The following FGF14 variants were observed in gnomAD, a reference collection of about 807,000 sequenced individuals.
FGF14 encodes fibroblast growth factor homologous factor 4.
Under a neutral mutation model 25.5 loss-of-function variants are expected in FGF14, and 5 were observed. That is an observed-to-expected ratio of 0.20 (90% confidence interval 0.10 to 0.41). FGF14 has a LOEUF of 0.41. Among genes scored for constraint, FGF14 ranks in the 10% least tolerant of loss-of-function variants. FGF14 has a pLI of 1.00. For synonymous variants in FGF14, 138 were observed against 118.3 expected, an observed-to-expected ratio of 1.17 and a Z score of -1.08; for missense variants, 222 against 320.1, an observed-to-expected ratio of 0.69 and a Z score of 2.34.
intron 3 of FGF14, among the ~76,000 whole-genome samples, chr13:101,830,435 T>A (rs146687493): frequency 2.0e-3 from 298 of 152,146 alleles, no homozygotes; most frequent in African/African-American, 6.8e-3. Context: ...CTGCAGCAAA[T>A]GTTTCCAGTA....
At chr13:102,294,310 T>G (rs2054583171) in intron 1 of FGF14, among the ~76,000 whole-genome samples, 1 of 151,930 alleles carries the variant, frequency 6.6e-6, no homozygotes, top group African/African-American at 2.4e-5. Context: ...TTAATCTTCA[T>G]CTTCCACTGA....
In FGF14 at chr13:101,898,437, T is replaced by TA. The variant is rs576246372; in HGVS notation, c.193+18015dup. Among the ~76,000 whole-genome samples, 34 of 151,784 alleles carry TA rather than the reference T, an allele frequency of 2.2e-4. No individual in the cohort carries two copies. The East Asian group carries it at 6.4e-3, about 29-fold the overall frequency. On this transcript the variant is annotated intron_variant, in intron 1 of 4. Coordinates refer to ENST00000376143, the MANE Select transcript of FGF14 (RefSeq NM_004115.4). ...CTCCGTCACAGATTTTATTAAAACT[T>TA]AGAGTGGAATATGGATTTACTCAGT...
chr13:102,162,227 C>T (rs371700215), intron 1 of FGF14, among the ~76,000 whole-genome samples: 3 of 152,082 alleles, frequency 2.0e-5, no homozygotes, highest in Non-Finnish European at 2.9e-5. Flanking sequence ...CAGAATCTCT[C>T]GGTCAAAGGC....
At chr13:101,753,867 T>C (rs1364215228) in intron 3 of FGF14, among the ~76,000 whole-genome samples, 2 of 152,112 alleles carry the variant, frequency 1.3e-5, no homozygotes, top group African/African-American at 2.4e-5. Context: ...GTACTCGTTA[T>C]TGAGTAAAAG....
chr13:101,783,367 G>A (rs2039624104), intron 3 of FGF14, among the ~76,000 whole-genome samples: 2 of 151,978 alleles, frequency 1.3e-5, no homozygotes, highest in African/African-American at 4.8e-5. Context: ...CTACTCAGGA[G>A]GTTGAGGCAG....
At chr13:101,772,033 G>T (rs972156503) in intron 3 of FGF14, among the ~76,000 whole-genome samples, 1 of 151,930 alleles carries the variant, frequency 6.6e-6, no homozygotes, top group Non-Finnish European at 1.5e-5. Context: ...ACATTCACAG[G>T]AAAGAAAAGG....
chr13:101,763,139 A>C (rs2038138493), intron 3 of FGF14, among the ~76,000 whole-genome samples: 1 of 152,160 alleles, frequency 6.6e-6, no homozygotes, highest in Non-Finnish European at 1.5e-5. Context: ...GCAGGGTTGG[A>C]ATTAGAGAGA....
chr13:102,296,946 T>C (rs1309785208), intron 1 of FGF14, among the ~76,000 whole-genome samples: 1 of 152,108 alleles, frequency 6.6e-6, no homozygotes, highest in Admixed American at 6.6e-5. Context: ...ATCACACAAA[T>C]ATAGCAGAAG....
chr13:102,339,671 A>G (rs553897253), intron 1 of FGF14, among the ~76,000 whole-genome samples: 1 of 152,310 alleles, frequency 6.6e-6, no homozygotes, highest in East Asian at 1.9e-4. Context: ...ATAAGTCTGC[A>G]CCTAGCAAAA....
intron 1 of FGF14, among the ~76,000 whole-genome samples, chr13:102,130,505 C>A (rs144464726): frequency 0.012 from 1,788 of 152,252 alleles, 25 homozygotes; most frequent in Middle Eastern, 0.021. Context: ...ATAATGCAGG[C>A]TCATTTCCCT....
chr13:102,166,506 A>G (rs1243712616), intron 1 of FGF14, among the ~76,000 whole-genome samples: 1 of 152,024 alleles, frequency 6.6e-6, no homozygotes, highest in Non-Finnish European at 1.5e-5. Context: ...CAGCTCTCAT[A>G]CCGTGCACAA....
At chr13:101,868,342 T>C (rs1198418116) in intron 3 of FGF14, 4 of 205,428 alleles carry the variant, frequency 1.9e-5, no homozygotes, top group Non-Finnish European at 4.0e-5. Flanking sequence ...CAATTTGAAT[T>C]CTTACTTTAG....
chr13:101,821,243 C>A (rs374472361), intron 3 of FGF14, among the ~76,000 whole-genome samples: 1 of 152,134 alleles, frequency 6.6e-6, no homozygotes, highest in South Asian at 2.1e-4. Flanking sequence ...CCACTGCGCC[C>A]GGCCCAAATT....
chr13:101,877,840 A>C (rs957248065), intron 1 of FGF14, among the ~76,000 whole-genome samples: 5 of 152,112 alleles, frequency 3.3e-5, no homozygotes, highest in African/African-American at 9.7e-5. Context: ...TGCCCCATTA[A>C]AACCTTACCA....
intron 1 of FGF14, among the ~76,000 whole-genome samples, chr13:101,888,022 T>A (rs2138862762): frequency 6.6e-6 from 1 of 152,250 alleles, no homozygotes; most frequent in South Asian, 2.1e-4. Context: ...ATGAAGTACC[T>A]TTTTCAGGTA....
intron 1 of FGF14, among the ~76,000 whole-genome samples, chr13:102,269,526 CTTTAT>C (rs2053147520): frequency 6.6e-6 from 1 of 152,092 alleles, no homozygotes; most frequent in African/African-American, 2.4e-5. Flanking sequence ...GCCTGGCAAT[CTTTAT>C]TTTATTTTGT....
intron 1 of FGF14, among the ~76,000 whole-genome samples, chr13:102,112,997 T>C (rs779024294): frequency 2.0e-5 from 3 of 152,224 alleles, no homozygotes; most frequent in Non-Finnish European, 4.4e-5. Flanking sequence ...AGGTCAGATA[T>C]TTAGCTATAC....
chr13:101,818,643 G>A (rs968032959), intron 3 of FGF14, among the ~76,000 whole-genome samples: 12 of 152,208 alleles, frequency 7.9e-5, no homozygotes, highest in African/African-American at 2.9e-4. Context: ...ATATTAATAG[G>A]TATCTTAAGC....
At chr13:102,066,479 A>G (rs1015009036) in intron 1 of FGF14, among the ~76,000 whole-genome samples, 5 of 152,218 alleles carry the variant, frequency 3.3e-5, no homozygotes, top group Admixed American at 1.3e-4. Context: ...AAAAGTAAGG[A>G]CATTGACAAG....
Sources: gnomAD v4.1 joint callset for allele counts (sites outside exome capture counted in the v4.1 genomes callset) on GRCh38, gnomAD v4.1.1 for gene constraint, MANE v1.5 for transcripts, NCBI Gene and HGNC (gene_info 2026-07-23, HGNC 2026-07-21) for gene names.